NEK3: variants seen among roughly 807,000 people sequenced by gnomAD.
The protein encoded by NEK3 is NIMA related kinase 3.
In NEK3, 54 loss-of-function variants were observed where a neutral mutation model predicts 66.0. That is an observed-to-expected ratio of 0.82 (90% confidence interval 0.66 to 1.03). The LOEUF is 1.03. NEK3 is among the 50% of genes least tolerant of loss of function. The pLI, the probability that NEK3 is intolerant of heterozygous loss-of-function variation, is 0.00. For synonymous variants in NEK3, 200 were observed against 206.2 expected (o/e 0.97, Z 0.26); for missense variants, 593 against 603.0 (o/e 0.98, Z 0.17).
intron 14 of NEK3, among the ~76,000 whole-genome samples, chr13:52,134,810 G>C (rs1369871739): frequency 2.0e-5 from 3 of 152,066 alleles, no homozygotes; most frequent in South Asian, 2.1e-4. Context: ...ATGATCTTTT[G>C]TGCACAGCTC....
At chr13:52,143,875 A>C (rs956747712) in intron 10 of NEK3, 40 bp downstream of exon 10, 1 of 1,015,192 alleles carries the variant, frequency 9.9e-7, no homozygotes, top group Middle Eastern at 2.1e-4. Flanking sequence ...TATATTTTTA[A>C]AAGAGCACTT....
At chr13:52,144,053 T>C (rs1391520268) in intron 9 of NEK3, 66 bp from the exon 10 acceptor site, 2 of 831,116 alleles carry the variant, frequency 2.4e-6, no homozygotes, top group Non-Finnish European at 3.8e-6. Context: ...TGCCGTGATG[T>C]CATTTCATCA....
At chr13:52,142,338 G>A (rs1480857812) in intron 10 of NEK3, among the ~76,000 whole-genome samples, 2 of 151,114 alleles carry the variant, frequency 1.3e-5, no homozygotes, top group African/African-American at 4.9e-5. Flanking sequence ...GTGCAGTGGC[G>A]CAATCTCGGC....
At chr13:52,133,254 C>A (rs1021268585) in intron 15 of NEK3, 28 bp from the exon 16 acceptor site, 9 of 1,533,108 alleles carry the variant, frequency 5.9e-6, no homozygotes, top group Non-Finnish European at 8.0e-6. Flanking sequence ...GGACCATAAA[C>A]CTCTACATTA....
intron 10 of NEK3, 25 bp from the exon 11 acceptor site, chr13:52,141,094 G>C (rs762285195): frequency 3.8e-6 from 6 of 1,581,398 alleles, no homozygotes; most frequent in African/African-American, 1.3e-5. Flanking sequence ...AGAGAAGGTA[G>C]AAAGATAAAA....
intron 11 of NEK3, 47 bp downstream of exon 11, chr13:52,140,973 C>G (rs1226446028): frequency 6.7e-7 from 1 of 1,492,348 alleles, no homozygotes; most frequent in African/African-American, 1.4e-5. Flanking sequence ...CACCACCACG[C>G]CCGGCCACCG....
In NEK3 at chr13:52,148,352, C is replaced by T. The variant is rs547734863; in HGVS notation, c.603+63G>A. ...AAGCAAACTGCCAACTAGAATCTGT[C>T]ACATTATTAGGGCTCAGCTAGATAT... On this transcript the variant is annotated intron_variant, in intron 8 of 15. Transcript: ENST00000610828. The T allele has an allele frequency of 3.4e-6, 5 of 1,482,950 alleles. No homozygotes were observed. In the Admixed American group the frequency reaches 9.0e-5, roughly 27 times the overall value. The allele number at this position is 1,482,950 out of a possible 1,614,324, so 91.9% of individuals were successfully genotyped here.
chr13:52,147,127 T>C (rs961068726), intron 8 of NEK3, among the ~76,000 whole-genome samples: 3 of 152,216 alleles, frequency 2.0e-5, no homozygotes, highest in Non-Finnish European at 4.4e-5. Flanking sequence ...GTTTTCATGA[T>C]GTTTCAGTTA....
chr13:52,153,139 C>T (rs533101421), intron 4 of NEK3, among the ~76,000 whole-genome samples: 9 of 152,078 alleles, frequency 5.9e-5, no homozygotes, highest in Non-Finnish European at 1.2e-4. Flanking sequence ...TCAATAGTTC[C>T]TGCTTATAAG....
At chr13:52,141,778 C>T (rs1170474680) in intron 10 of NEK3, among the ~76,000 whole-genome samples, 2 of 152,012 alleles carry the variant, frequency 1.3e-5, no homozygotes, top group African/African-American at 4.8e-5. Context: ...TTTTTAGAAA[C>T]TGTAACACTA....
chr13:52,132,787 T>C lies in NEK3; in HGVS notation c.*355A>G. 1 of 207,940 alleles carries C rather than the reference T, an allele frequency of 4.8e-6. No individual in the cohort carries two copies. The highest frequency in any genetic ancestry group is 5.3e-5 in the Admixed American group (1 of 18,936). The allele number at this position is 207,940 out of a possible 1,614,324, so 12.9% of individuals were successfully genotyped here. A position where few individuals can be genotyped will look rare whatever the true frequency, so the allele number is the denominator to read the frequency against. On this transcript the variant is annotated 3_prime_UTR_variant, in exon 16 of 16. Transcript: ENST00000610828. ...GTCAGCATCCCTCTGAGGTAGGCAT[T>C]ATTATCTTCATTTTATGGTTGAGGA...
In NEK3 at chr13:52,143,922, T is replaced by A; in HGVS notation, c.870A>T (p.Arg290Ser). ...CTCTGTCAAAATTCTTACTTTTTTT[T>A]CTTGGTGTGTTATGCTTCGAATTTT... ...EIKNSKHNTP[R>S]KKTNPSRIRI... Residue 290 changes from arginine (R) to serine (S), a missense_variant, in exon 10 of 16, where the codon AGA becomes AGT. Arg to Ser is a moderately radical substitution (Grantham distance 110). Transcript: ENST00000610828. The A allele has an allele frequency of 7.1e-7, 1 of 1,413,958 alleles. No homozygotes were observed. 87.6% of individuals were successfully genotyped at this position (1,413,958 alleles called of 1,614,324 possible). A position where few individuals can be genotyped will look rare whatever the true frequency, so the allele number is the denominator to read the frequency against.
intron 1 of NEK3, among the ~76,000 whole-genome samples, chr13:52,158,916 A>C (rs1405145440): frequency 6.6e-6 from 1 of 152,168 alleles, no homozygotes; most frequent in African/African-American, 2.4e-5. Context: ...ATTCTAGCAC[A>C]GAGGCTAGGA....
In NEK3 at chr13:52,143,985, G is replaced by C. The variant is rs552135580; in HGVS notation, c.807C>G (p.Ile269Met). 2.7e-6 allele frequency: 4 copies of C among 1,485,054 alleles called. No individual in the cohort carries two copies. In the Admixed American group the frequency reaches 6.2e-5, roughly 23 times the overall value. The allele number at this position is 1,485,054 out of a possible 1,614,324, so 92.0% of individuals were successfully genotyped here. A position where few individuals can be genotyped will look rare whatever the true frequency, so the allele number is the denominator to read the frequency against. ...RLVQKCLPPEIIMEYGEEVLE... is the reference protein window; with the variant it reads ...RLVQKCLPPEMIMEYGEEVLE... The stretch of plus-strand genomic sequence containing the variant: ...ATACTTCCTCACCATATTCCATGAT[G>C]ATCTGAAATTTAAAGTTGAGAATTT... Residue 269 changes from isoleucine (I) to methionine (M), a missense_variant and splice_region_variant, in exon 10 of 16, where the codon ATC (isoleucine) becomes ATG (methionine). Transcript: ENST00000610828.
chr13:52,135,914 CATGT>C, intron 13 of NEK3, 51 bp from the exon 14 acceptor site: 1 of 1,581,520 alleles, frequency 6.3e-7, no homozygotes, highest in Non-Finnish European at 8.6e-7. Context: ...GATTTTTCAG[CATGT>C]ACTTTCCAGA....
intron 2 of NEK3, 79 bp downstream of exon 2, chr13:52,155,996 C>G: frequency 1.1e-6 from 1 of 892,164 alleles, no homozygotes; most frequent in Non-Finnish European, 1.7e-6. Context: ...GTGTGAGCCA[C>G]TGTGCCTGGC....
At chr13:52,153,833 T>C (rs1956367380) in intron 4 of NEK3, 62 bp downstream of exon 4, 1 of 1,092,366 alleles carries the variant, frequency 9.2e-7, no homozygotes, top group East Asian at 2.4e-5. Flanking sequence ...TTAACTTATA[T>C]AAAGTTTATG....
At chr13:52,148,211 T>C (rs1419550048) in intron 8 of NEK3, 2 of 434,838 alleles carry the variant, frequency 4.6e-6, no homozygotes, top group Non-Finnish European at 8.2e-6. Flanking sequence ...GGTTATGTAT[T>C]GCACAGCCAA....
chr13:52,138,575 T>C (rs1181779527), intron 11 of NEK3, among the ~76,000 whole-genome samples: 5 of 152,310 alleles, frequency 3.3e-5, no homozygotes, highest in African/African-American at 1.2e-4. Context: ...AAAAGTTTAA[T>C]TACTAGTACA....
Sources: gnomAD v4.1 joint callset for allele counts (sites outside exome capture counted in the v4.1 genomes callset) on GRCh38, gnomAD v4.1.1 for gene constraint, MANE v1.5 for transcripts, NCBI Gene and HGNC (gene_info 2026-07-23, HGNC 2026-07-21) for gene names.